Variants in ATP8B1 observed in about 807,000 individuals in gnomAD.
ATP8B1 encodes ATPase phospholipid transporting 8B1.
A neutral mutation model predicts 149.9 loss-of-function variants in ATP8B1; 80 were observed. The observed-to-expected ratio is 0.53, with a 90% CI of 0.45 to 0.64. ATP8B1 has a LOEUF of 0.64. Ranked by LOEUF, ATP8B1 falls within the 30% of genes least tolerant of loss-of-function variation. The pLI is 0.00. For synonymous variants in ATP8B1, 536 were observed against 562.8 expected, an observed-to-expected ratio of 0.95 and a Z score of 0.67; for missense variants, 1,247 against 1,552.6, an observed-to-expected ratio of 0.80 and a Z score of 3.31.
At chr18:57,713,381 G>A (rs886943317) in intron 2 of ATP8B1, among the ~76,000 whole-genome samples, 4 of 150,236 alleles carry the variant, frequency 2.7e-5, no homozygotes, top group African/African-American at 9.8e-5. Context: ...ACTGCAACCT[G>A]TGCCTCCTGG....
chr18:57,797,673 G>C (rs778240246), intron 1 of ATP8B1, among the ~76,000 whole-genome samples: 7 of 150,680 alleles, frequency 4.6e-5, no homozygotes, highest in Non-Finnish European at 1.0e-4. Flanking sequence ...AGCAGGAAGA[G>C]AGCAGACACC....
chr18:57,695,195 A>G lies in ATP8B1; in HGVS notation c.916T>C (p.Cys306Arg). The G allele has an allele frequency of 1.2e-6, 2 of 1,614,212 alleles. No individual in the cohort carries two copies. The highest frequency in any genetic ancestry group is 4.5e-5 in the East Asian group (2 of 44,868). Residue 306 changes from cysteine (C) to arginine (R), a missense_variant, in exon 10 of 28, where the codon TGC becomes CGC. By Grantham distance (180) the Cys-to-Arg change is radical. Transcript: ENST00000648908. Reference protein sequence around the residue: ...RGCVIRNTDFCHGLVIFAGAD... With the variant: ...RGCVIRNTDFRHGLVIFAGAD... ...CCTGCAAAAATGACTAAGCCGTGGC[A>G]GAAATCGGTGTTCCTAATTACACAG...
At chr18:57,713,249 TTC>T (rs1230155773) in intron 2 of ATP8B1, among the ~76,000 whole-genome samples, 1 of 134,048 alleles carries the variant, frequency 7.5e-6, no homozygotes, top group Admixed American at 7.9e-5. Flanking sequence ...CCTTCTTTCT[TTC>T]TTTCTTTCTT....
intron 1 of ATP8B1, among the ~76,000 whole-genome samples, chr18:57,798,813 C>G (rs2080544067): frequency 6.6e-6 from 1 of 152,122 alleles, no homozygotes; most frequent in Non-Finnish European, 1.5e-5. Context: ...TCTGAGCCAC[C>G]AGGGCTTAAG....
At chr18:57,715,833 T>C (rs2079578498) in intron 2 of ATP8B1, among the ~76,000 whole-genome samples, 1 of 152,146 alleles carries the variant, frequency 6.6e-6, no homozygotes, top group Non-Finnish European at 1.5e-5. Context: ...CAGGAAATGC[T>C]AAACAGAGTA....
intron 15 of ATP8B1, among the ~76,000 whole-genome samples, chr18:57,682,056 G>A (rs1049976415): frequency 2.0e-5 from 3 of 150,444 alleles, no homozygotes; most frequent in Non-Finnish European, 4.4e-5. Flanking sequence ...CCAGGCTGTA[G>A]TGCAGTGGCG....
intron 1 of ATP8B1, among the ~76,000 whole-genome samples, chr18:57,758,412 G>A (rs1209799262): frequency 3.3e-5 from 5 of 151,884 alleles, no homozygotes; most frequent in South Asian, 2.1e-4. Context: ...AGGCTGAGGC[G>A]GGTGGATCAC....
At chr18:57,680,277 CAAAAAAAAAA>C (rs71171066) in intron 15 of ATP8B1, among the ~76,000 whole-genome samples, 1 of 40,454 alleles carries the variant, frequency 2.5e-5, no homozygotes, top group African/African-American at 9.9e-5. Flanking sequence ...GACTCAGTCT[CAAAAAAAAAA>C]AAAAAAAAAA....
chr18:57,670,549 A>G (rs1426129684), intron 17 of ATP8B1, among the ~76,000 whole-genome samples: 1 of 151,364 alleles, frequency 6.6e-6, no homozygotes, highest in African/African-American at 2.4e-5. Flanking sequence ...ACGGGGTTTC[A>G]CCATGTTGGC....
intron 1 of ATP8B1, among the ~76,000 whole-genome samples, chr18:57,736,453 G>GTTTTTTTTTT (rs71171079): frequency 1.4e-5 from 1 of 70,142 alleles, no homozygotes; most frequent in Admixed American, 2.0e-4. Context: ...AGTTTTACTA[G>GTTTTTTTTTT]TTTTTTTTTT....
At chr18:57,666,539 T>G (rs1910869373) in intron 20 of ATP8B1, among the ~76,000 whole-genome samples, 1 of 151,986 alleles carries the variant, frequency 6.6e-6, no homozygotes, top group African/African-American at 2.4e-5. Context: ...CCGAGTTTTT[T>G]TTTTTTTTTT....
intron 1 of ATP8B1, among the ~76,000 whole-genome samples, chr18:57,792,565 T>G (rs537558177): frequency 4.0e-5 from 6 of 151,688 alleles, no homozygotes; most frequent in Non-Finnish European, 4.4e-5. Flanking sequence ...AAGCAGAGGG[T>G]AGATGAGAGG....
intron 1 of ATP8B1, among the ~76,000 whole-genome samples, chr18:57,763,113 G>C (rs544253138): frequency 2.1e-4 from 32 of 152,280 alleles, no homozygotes; most frequent in African/African-American, 6.5e-4. Flanking sequence ...TGTACTCTAG[G>C]CCGGGCGCGG....
Position 57,646,641 on chromosome 18 carries a change from A to G in ATP8B1, c.*1847T>C, listed in dbSNP as rs1165557130. The stretch of plus-strand genomic sequence containing the variant: ...TTGCAAAAACAGGAGAGAAATCTGA[A>G]ACTAACAGAATTACACAAGCTAAGT... On this transcript the variant is annotated 3_prime_UTR_variant, in exon 28 of 28. Transcript: ENST00000648908. 6.6e-6 allele frequency: 1 copy of G among 152,642 alleles called. No homozygotes were observed. The highest frequency in any genetic ancestry group is 2.4e-5 in the African/African-American group (1 of 41,458). 9.5% of individuals were successfully genotyped at this position (152,642 alleles called of 1,614,324 possible).
intron 1 of ATP8B1, among the ~76,000 whole-genome samples, chr18:57,771,733 A>T (rs1382823458): frequency 1.3e-5 from 2 of 152,182 alleles, no homozygotes; most frequent in Non-Finnish European, 2.9e-5. Flanking sequence ...GTTTCCAAAG[A>T]TATGAGTGGC....
intron 1 of ATP8B1, among the ~76,000 whole-genome samples, chr18:57,772,868 G>A (rs1307226520): frequency 6.6e-6 from 1 of 152,316 alleles, no homozygotes; most frequent in East Asian, 1.9e-4. Context: ...AGGTGAGGAG[G>A]TGGGGAGCAG....
intron 4 of ATP8B1, among the ~76,000 whole-genome samples, chr18:57,704,124 G>A (rs1486896138): frequency 6.6e-6 from 1 of 151,926 alleles, no homozygotes; most frequent in Non-Finnish European, 1.5e-5. Flanking sequence ...GCACCATCAC[G>A]CCTGGCTAAT....
chr18:57,654,138 A>ATGAGTATGTGC, intron 23 of ATP8B1, 63 bp from the exon 24 acceptor site: 1 of 1,323,864 alleles, frequency 7.6e-7, no homozygotes, highest in Non-Finnish European at 1.1e-6. Context: ...TAGTTAGCAC[A>ATGAGTATGTGC]TACTCATCTG....
At chr18:57,769,253 G>T (rs992925366) in intron 1 of ATP8B1, among the ~76,000 whole-genome samples, 42 of 152,142 alleles carry the variant, frequency 2.8e-4, no homozygotes, top group Non-Finnish European at 8.8e-5. Flanking sequence ...CCTGCCCCAC[G>T]ACTCTTCCAT....
Sources: allele counts gnomAD v4.1 joint callset (sites outside exome capture counted in the v4.1 genomes callset), GRCh38; gene constraint gnomAD v4.1.1; transcripts MANE v1.5; gene names NCBI Gene and HGNC (gene_info 2026-07-23, HGNC 2026-07-21).